Variants in FREM2 observed in about 807,000 individuals in gnomAD.
The protein encoded by FREM2 is FRAS1-related extracellular matrix protein 2.
FREM2 carries 119 observed loss-of-function variants against 219.9 expected under a neutral mutation model. The observed-to-expected ratio is 0.54, with a 90% CI of 0.47 to 0.63. The LOEUF (loss-of-function observed/expected upper bound fraction) is 0.63. Ranked by LOEUF, FREM2 falls within the 30% of genes least tolerant of loss-of-function variation. The probability of loss-of-function intolerance (pLI) is 0.00; values close to 1 mark genes in which losing one functional copy is unlikely to be tolerated. For missense variants in FREM2, 4,030 were observed against 3,993.6 expected, an observed-to-expected ratio of 1.01 and a Z score of -0.25; for synonymous variants, 1,562 against 1,522.8, an observed-to-expected ratio of 1.03 and a Z score of -0.60.
intron 2 of FREM2, among the ~76,000 whole-genome samples, chr13:38,762,354 A>ATAGTAAGTT (rs1234073312): frequency 6.6e-6 from 1 of 152,196 alleles, no homozygotes; most frequent in Admixed American, 6.5e-5. Flanking sequence ...GACATTGGGC[A>ATAGTAAGTT]TAGTAAGTTT....
intron 16 of FREM2, among the ~76,000 whole-genome samples, chr13:38,870,996 A>C (rs1878138352): frequency 6.6e-6 from 1 of 152,230 alleles, no homozygotes; most frequent in Non-Finnish European, 1.5e-5. Context: ...GACTAGTGGC[A>C]TATGGGTTGA....
Position 38,848,327 on chromosome 13 carries a change from G to A in FREM2, c.6170-134G>A, listed in dbSNP as rs1877237931. ...ACTAATCTTTTGCCTTTTATTAAAT[G>A]TACTTTTCTGTAGAGTTATGCTGGT... On this transcript the variant is annotated intron_variant, in intron 7 of 23. Transcript: ENST00000280481. The A allele has an allele frequency of 8.3e-6, 6 of 718,610 alleles. No individual in the cohort carries two copies. The East Asian group carries it at 1.6e-4, about 19-fold the overall frequency. The allele number at this position is 718,610 out of a possible 1,614,324, so 44.5% of individuals were successfully genotyped here.
chr13:38,702,788 G>A (rs1450995727), intron 2 of FREM2, among the ~76,000 whole-genome samples: 1 of 152,116 alleles, frequency 6.6e-6, no homozygotes, highest in Non-Finnish European at 1.5e-5. Context: ...TAGGCATGCA[G>A]TCTCAGTGAG....
intron 6 of FREM2, among the ~76,000 whole-genome samples, chr13:38,818,267 GAT>G (rs1216871764): frequency 2.0e-5 from 3 of 152,108 alleles, no homozygotes; most frequent in African/African-American, 7.2e-5. Flanking sequence ...CAATAGCTAA[GAT>G]ATGGACTCAA....
chr13:38,873,626 T>TAATA (rs10648541), intron 17 of FREM2, among the ~76,000 whole-genome samples: 111,532 of 151,710 alleles, frequency 0.74, 41,400 homozygotes, highest in East Asian at 0.84. Flanking sequence ...AGCATCAATC[T>TAATA]AATCCATTAG....
At chr13:38,713,424 T>C (rs1414088832) in intron 2 of FREM2, among the ~76,000 whole-genome samples, 1 of 152,214 alleles carries the variant, frequency 6.6e-6, no homozygotes, top group Non-Finnish European at 1.5e-5. Context: ...GAATCTATAA[T>C]GCATACTCTT....
intron 6 of FREM2, among the ~76,000 whole-genome samples, chr13:38,842,162 T>C (rs963923739): frequency 6.6e-6 from 1 of 152,172 alleles, no homozygotes; most frequent in Non-Finnish European, 1.5e-5. Flanking sequence ...AAGGGGCTAA[T>C]AGGATGTTGA....
intron 2 of FREM2, among the ~76,000 whole-genome samples, chr13:38,702,688 G>C (rs9566359): frequency 0.11 from 17,224 of 151,954 alleles, 1,140 homozygotes; most frequent in Middle Eastern, 0.24. Flanking sequence ...TGATCACCTG[G>C]CTGGACATAT....
chr13:38,769,407 A>G (rs990716529), intron 3 of FREM2, among the ~76,000 whole-genome samples, 171 bp from the exon 4 acceptor site: 5 of 152,236 alleles, frequency 3.3e-5, no homozygotes, highest in African/African-American at 1.2e-4. Flanking sequence ...CCCAACACCT[A>G]CAGTGAAACA....
At chr13:38,695,090 C>A (rs1361700014) in intron 1 of FREM2, among the ~76,000 whole-genome samples, 1 of 152,018 alleles carries the variant, frequency 6.6e-6, no homozygotes, top group Non-Finnish European at 1.5e-5. Context: ...CTAGATAATT[C>A]TTAGATATTT....
In FREM2 at chr13:38,688,825, T is replaced by A; in HGVS notation, c.1481T>A (p.Ile494Asn). Residue 494 changes from isoleucine (I) to asparagine (N), a missense_variant, in exon 1 of 24, where the codon ATT becomes AAT. Physicochemically the swap from Ile to Asn is moderately radical, Grantham distance 149. Around this residue, in one of 2 missense-constraint regions of FREM2, gnomAD observed 3,102 missense variants for 2,950.7 expected, o/e 1.05. Coordinates refer to ENST00000280481, the MANE Select transcript of FREM2 (RefSeq NM_207361.6). Reference sequence around the variant, plus strand: ...GGGCTCCGGCATGGTCACCTTGTCATTCTGGGTGCTTCCAGTGGCAGCTCT... The same window carrying A: ...GGGCTCCGGCATGGTCACCTTGTCAATCTGGGTGCTTCCAGTGGCAGCTCT... ...VAGLRHGHLVILGASSGSSAP... is the reference protein window; with the variant it reads ...VAGLRHGHLVNLGASSGSSAP... 6.2e-7 allele frequency: 1 copy of A among 1,613,984 alleles called. No homozygotes were observed. The highest frequency in any genetic ancestry group is 8.5e-7 in the Non-Finnish European group (1 of 1,180,016).
intron 18 of FREM2, among the ~76,000 whole-genome samples, chr13:38,874,889 T>G (rs1742795087): frequency 6.6e-6 from 1 of 152,222 alleles, no homozygotes. Flanking sequence ...AATCATTTCT[T>G]TCTCTGCTTT....
chr13:38,868,154 G>T lies in FREM2; in HGVS notation c.7983+3548G>T, dbSNP rs957931231. Among the ~76,000 whole-genome samples, 3 of 152,278 alleles carry T rather than the reference G, an allele frequency of 2.0e-5. No homozygotes were observed. The South Asian group carries it at 6.2e-4, about 32-fold the overall frequency. ...ACACGCACATATTATTTACACATAGGTGAGGGAGAAGAAAATAAAAATTAA... is the reference window on the plus strand; with the variant it reads ...ACACGCACATATTATTTACACATAGTTGAGGGAGAAGAAAATAAAAATTAA... On this transcript the variant is annotated intron_variant, in intron 16 of 23. Coordinates refer to ENST00000280481, the MANE Select transcript of FREM2 (RefSeq NM_207361.6).
intron 3 of FREM2, among the ~76,000 whole-genome samples, chr13:38,768,523 C>T (rs1350798939): frequency 6.6e-6 from 1 of 152,162 alleles, no homozygotes; most frequent in Non-Finnish European, 1.5e-5. Context: ...GTGATCCACC[C>T]ACCTCGCCCT....
rs750546494 is a variant in FREM2, at chr13:38,784,591, G to C, written c.5802G>C (p.Leu1934Phe). 1 of 1,614,062 alleles carries C rather than the reference G, an allele frequency of 6.2e-7. No homozygotes were observed. The highest frequency in any genetic ancestry group is 1.7e-5 in the Admixed American group (1 of 60,016). ...TATGTVPTSVLSYSDYISRPE... is the reference protein window; with the variant it reads ...TATGTVPTSVFSYSDYISRPE... ...CTGGAACTGTGCCGACTTCCGTGTT[G>C]TCTTACTCTGATTACATATCCAGGC... The change falls in exon 6 of 24, where the codon TTG (leucine) becomes TTC (phenylalanine). Residue 1934 changes from leucine to phenylalanine, a missense_variant. This residue lies in a region of FREM2 where 3,102 missense variants were observed against 2,950.7 expected (regional missense o/e 1.05). Transcript: ENST00000280481.
At chr13:38,799,770 C>T (rs1171459323) in intron 6 of FREM2, among the ~76,000 whole-genome samples, 1 of 151,880 alleles carries the variant, frequency 6.6e-6, no homozygotes, top group African/African-American at 2.4e-5. Context: ...GTCTGTTTTA[C>T]CTAATATAAG....
intron 2 of FREM2, among the ~76,000 whole-genome samples, chr13:38,740,271 A>G (rs900725959): frequency 3.9e-5 from 6 of 152,220 alleles, no homozygotes; most frequent in African/African-American, 4.8e-5. Flanking sequence ...ATTTCATTTT[A>G]TACTGTATTT....
intron 6 of FREM2, among the ~76,000 whole-genome samples, chr13:38,800,485 C>CT (rs1400249322): frequency 6.6e-6 from 1 of 151,932 alleles, no homozygotes; most frequent in African/African-American, 2.4e-5. Context: ...TTTTAGGATC[C>CT]TTTTTTGCTT....
Position 38,692,518 on chromosome 13 carries a change from G to A in FREM2, c.5173+1G>A. ...CACAGCATCACTCAGTTCACACAAG[G>A]TATGTTTCATGTTTCTTTTCTTGGT... On this transcript the variant is annotated splice_donor_variant, in intron 1 of 23. Transcript: ENST00000280481. LOFTEE classifies it high-confidence loss of function. 1 of 1,608,814 alleles carries A rather than the reference G, an allele frequency of 6.2e-7. No homozygotes were observed. The highest frequency in any genetic ancestry group is 8.5e-7 in the Non-Finnish European group (1 of 1,179,974).
Sources: allele counts gnomAD v4.1 joint callset (sites outside exome capture counted in the v4.1 genomes callset), GRCh38; gene constraint gnomAD v4.1.1; regional missense constraint gnomAD v4.1.1; transcripts MANE v1.5; gene names NCBI Gene and HGNC (gene_info 2026-07-23, HGNC 2026-07-21).